The following GPR176 variants were observed in gnomAD, a reference collection of about 807,000 sequenced individuals.
GPR176 encodes G-protein coupled receptor 176.
Under a neutral mutation model 35.4 loss-of-function variants are expected in GPR176, and 26 were observed. The observed-to-expected ratio is 0.74, with a 90% confidence interval of 0.54 to 1.02. The LOEUF (loss-of-function observed/expected upper bound fraction) is 1.02. GPR176 is among the 50% of genes least tolerant of loss of function. GPR176 has a pLI of 0.00. For missense variants in GPR176, 597 were observed against 665.3 expected (o/e 0.90, Z 1.13); for synonymous variants, 278 against 271.3 (o/e 1.02, Z -0.24).
intron 1 of GPR176, among the ~76,000 whole-genome samples, chr15:39,835,228 C>T (rs1044815794): frequency 2.0e-5 from 3 of 151,954 alleles, no homozygotes; most frequent in Admixed American, 1.3e-4. Context: ...CCATGTTGGT[C>T]AGGCTGGTCT....
chr15:39,906,151 G>A (rs1337055454), intron 1 of GPR176, among the ~76,000 whole-genome samples: 1 of 152,206 alleles, frequency 6.6e-6, no homozygotes, highest in Non-Finnish European at 1.5e-5. Flanking sequence ...CATTCTATCA[G>A]CGGAAGACCC....
At chr15:39,879,063 C>T (rs2032371331) in intron 1 of GPR176, among the ~76,000 whole-genome samples, 1 of 152,214 alleles carries the variant, frequency 6.6e-6, no homozygotes, top group African/African-American at 2.4e-5. Context: ...TGTAATGATA[C>T]TACAACAGTA....
chr15:39,872,267 G>A (rs577848802), intron 1 of GPR176, among the ~76,000 whole-genome samples: 7 of 152,324 alleles, frequency 4.6e-5, no homozygotes, highest in African/African-American at 1.2e-4. Context: ...GAATAGGTGA[G>A]GGCATTTGGG....
intron 1 of GPR176, among the ~76,000 whole-genome samples, chr15:39,882,263 T>G (rs895623720): frequency 6.6e-6 from 1 of 152,216 alleles, no homozygotes. Context: ...TATGCAAGTA[T>G]TGGCAAAATT....
At chr15:39,802,329 A>G in intron 2 of GPR176, 75 bp from the exon 3 acceptor site, 1 of 1,155,868 alleles carries the variant, frequency 8.7e-7, no homozygotes, top group Non-Finnish European at 1.2e-6. Context: ...CACCAAAAGT[A>G]GATGAGAGGG....
chr15:39,898,897 T>C (rs2033195807), intron 1 of GPR176, among the ~76,000 whole-genome samples: 1 of 152,062 alleles, frequency 6.6e-6, no homozygotes, highest in African/African-American at 2.4e-5. Flanking sequence ...ACCTTGAAGA[T>C]GAAAGAATAA....
At chr15:39,897,291 A>T (rs2033142128) in intron 1 of GPR176, among the ~76,000 whole-genome samples, 1 of 152,222 alleles carries the variant, frequency 6.6e-6, no homozygotes, top group African/African-American at 2.4e-5. Flanking sequence ...ACACAACATG[A>T]TACAGCAGAC....
chr15:39,904,912 G>A (rs2033378067), intron 1 of GPR176, among the ~76,000 whole-genome samples: 1 of 152,152 alleles, frequency 6.6e-6, no homozygotes, highest in African/African-American at 2.4e-5. Context: ...GAATATGAGA[G>A]GGCATCATCA....
chr15:39,873,620 TC>T (rs2032132608), intron 1 of GPR176, among the ~76,000 whole-genome samples: 1 of 120,336 alleles, frequency 8.3e-6, no homozygotes, highest in Admixed American at 8.2e-5. Context: ...GTTTTTCTTT[TC>T]TTTTTTTTTT....
chr15:39,825,406 T>C (rs1900569205), intron 1 of GPR176, among the ~76,000 whole-genome samples: 1 of 152,194 alleles, frequency 6.6e-6, no homozygotes, highest in South Asian at 2.1e-4. Context: ...TTCTTATATA[T>C]ATAATGTGAA....
At chr15:39,874,911 C>T (rs754180149) in intron 1 of GPR176, among the ~76,000 whole-genome samples, 5 of 152,124 alleles carry the variant, frequency 3.3e-5, no homozygotes, top group South Asian at 2.1e-4. Flanking sequence ...GGCATGATGG[C>T]GCACGCCTGT....
At position 39,807,271 on chromosome 15, in the gene GPR176, G is replaced by T; in HGVS notation, c.173-13C>A. On this transcript the variant is annotated splice_polypyrimidine_tract_variant and intron_variant, in intron 1 of 2. Coordinates refer to ENST00000561100, the MANE Select transcript of GPR176 (RefSeq NM_007223.3). The stretch of plus-strand genomic sequence containing the variant: ...ACCATGAAGTTTCCTGGTCAGATAT[G>T]AAAGAAAATAAAATAATTTAAATAA... The T allele has an allele frequency of 7.0e-7, 1 of 1,422,682 alleles. No individual in the cohort carries two copies. Among genetic ancestry groups the T allele is most frequent in the African/African-American group, 1.5e-5 (1 of 68,760 alleles). The allele number at this position is 1,422,682 out of a possible 1,614,324, so 88.1% of individuals were successfully genotyped here.
chr15:39,855,876 C>A (rs919757461), intron 1 of GPR176, among the ~76,000 whole-genome samples: 1 of 152,204 alleles, frequency 6.6e-6, no homozygotes, highest in Non-Finnish European at 1.5e-5. Context: ...GTAACACTTA[C>A]TAAACTTACT....
chr15:39,880,500 A>C (rs1171805691), intron 1 of GPR176, among the ~76,000 whole-genome samples: 1 of 152,212 alleles, frequency 6.6e-6, no homozygotes, highest in Non-Finnish European at 1.5e-5. Context: ...TGATGACTTC[A>C]ATACTTGATG....
At chr15:39,811,864 C>T (rs1038671352) in intron 1 of GPR176, among the ~76,000 whole-genome samples, 3 of 150,148 alleles carry the variant, frequency 2.0e-5, no homozygotes, top group South Asian at 2.1e-4. Context: ...TGCAGTGAGC[C>T]GAGATTGCGC....
chr15:39,812,627 T>C (rs1004460648), intron 1 of GPR176, among the ~76,000 whole-genome samples: 1 of 152,322 alleles, frequency 6.6e-6, no homozygotes, highest in African/African-American at 2.4e-5. Flanking sequence ...TTTGTGATCG[T>C]GTGAGTCAAT....
intron 1 of GPR176, among the ~76,000 whole-genome samples, chr15:39,841,440 T>A (rs1175104743): frequency 6.7e-6 from 1 of 149,890 alleles, no homozygotes; most frequent in Non-Finnish European, 1.5e-5. Context: ...TGGGCCCTAA[T>A]CCAATATGAC....
chr15:39,912,489 T>C (rs1306979798), intron 1 of GPR176, among the ~76,000 whole-genome samples: 1 of 151,530 alleles, frequency 6.6e-6, no homozygotes, highest in East Asian at 1.9e-4. Flanking sequence ...TGTGGTGGCA[T>C]GCGCCTGTAG....
intron 1 of GPR176, among the ~76,000 whole-genome samples, chr15:39,827,938 C>G (rs1900790852): frequency 6.6e-6 from 1 of 152,076 alleles, no homozygotes; most frequent in Admixed American, 6.5e-5. Context: ...GTGGCATGTC[C>G]CTATGGGTAC....
Sources: allele counts gnomAD v4.1 joint callset (sites outside exome capture counted in the v4.1 genomes callset), GRCh38; gene constraint gnomAD v4.1.1; transcripts MANE v1.5; gene names NCBI Gene and HGNC (gene_info 2026-07-23, HGNC 2026-07-21).